The following NEDD4L variants were observed in gnomAD, a reference collection of about 807,000 sequenced individuals.
NEDD4L encodes E3 ubiquitin-protein ligase NEDD4-like.
Under a neutral mutation model 148.9 loss-of-function variants are expected in NEDD4L, and 54 were observed. That is an observed-to-expected ratio of 0.36 (90% CI 0.29 to 0.45). The LOEUF (loss-of-function observed/expected upper bound fraction) is 0.45, where lower values mean the gene tolerates loss of function less well. Among genes scored for constraint, NEDD4L ranks in the 20% least tolerant of loss-of-function variants. NEDD4L has a pLI of 1.00. For synonymous variants in NEDD4L, 433 were observed against 440.7 expected, an observed-to-expected ratio of 0.98 and a Z score of 0.22; for missense variants, 856 against 1,233.8, an observed-to-expected ratio of 0.69 and a Z score of 4.59.
chr18:58,164,036 T>C (rs1304290158), intron 1 of NEDD4L, among the ~76,000 whole-genome samples: 3 of 115,984 alleles, frequency 2.6e-5, no homozygotes, highest in Non-Finnish European at 6.3e-5. Flanking sequence ...ATCCTGAGCC[T>C]TTTTTTTTTT....
At chr18:58,363,571 C>T (rs2045756250) in intron 19 of NEDD4L, among the ~76,000 whole-genome samples, 1 of 152,162 alleles carries the variant, frequency 6.6e-6, no homozygotes, top group Admixed American at 6.5e-5. Flanking sequence ...TAACATGTTA[C>T]TCCTTTGCCT....
intron 1 of NEDD4L, among the ~76,000 whole-genome samples, chr18:58,084,605 T>C (rs2083649715): frequency 6.6e-6 from 1 of 151,906 alleles, no homozygotes; most frequent in Non-Finnish European, 1.5e-5. Flanking sequence ...TGGTTTTCCC[T>C]GAAGCCTCTC....
At chr18:58,191,122 A>G (rs758756278) in intron 2 of NEDD4L, among the ~76,000 whole-genome samples, 1 of 152,198 alleles carries the variant, frequency 6.6e-6, no homozygotes, top group Non-Finnish European at 1.5e-5. Context: ...CTCTAAAAGT[A>G]TAATATTTTA....
At chr18:58,340,655 A>G (rs2042303687) in intron 13 of NEDD4L, among the ~76,000 whole-genome samples, 1 of 152,242 alleles carries the variant, frequency 6.6e-6, no homozygotes, top group African/African-American at 2.4e-5. Flanking sequence ...TCCCTCTCAT[A>G]CACAGTGACA....
rs183254876 is a variant in NEDD4L, at chr18:58,184,844, C to T, written c.122+18983C>T. 3.2e-3 allele frequency among the ~76,000 whole-genome samples: 479 copies of T among 151,978 alleles called. 1 individual carries two copies. Among genetic ancestry groups the T allele is most frequent in the African/African-American group, 0.011 (462 of 41,428 alleles). ...TTGGGAGGCTGAAGCAGGAGAATGG[C>T]GTGAACGCAGGAGGTGGAGCTTGCA... On this transcript the variant is annotated intron_variant, in intron 2 of 30. Transcript: ENST00000400345.
chr18:58,059,715 ACT>A (rs2082243265), intron 1 of NEDD4L, among the ~76,000 whole-genome samples: 2 of 152,164 alleles, frequency 1.3e-5, no homozygotes, highest in Non-Finnish European at 2.9e-5. Flanking sequence ...GGACATGGTG[ACT>A]CTGGTTAGTA....
chr18:58,387,173 C>T (rs766973658), intron 26 of NEDD4L, among the ~76,000 whole-genome samples: 80 of 152,186 alleles, frequency 5.3e-4, no homozygotes, highest in Non-Finnish European at 1.5e-4. Flanking sequence ...TGGAATCCAC[C>T]CTGCCTACAG....
intron 5 of NEDD4L, among the ~76,000 whole-genome samples, chr18:58,272,984 T>A (rs536130085): frequency 6.6e-6 from 1 of 151,872 alleles, no homozygotes; most frequent in African/African-American, 2.4e-5. Flanking sequence ...TGAAGAGAGG[T>A]AAGGAAACCC....
intron 2 of NEDD4L, chr18:58,193,988 T>C (rs2040390776): frequency 6.6e-6 from 1 of 152,294 alleles, no homozygotes; most frequent in Non-Finnish European, 1.5e-5. Context: ...TCTCCATGTG[T>C]GTTGTGAATT....
At chr18:58,373,364 A>G in intron 24 of NEDD4L, 95 bp downstream of exon 24, 1 of 727,406 alleles carries the variant, frequency 1.4e-6, no homozygotes. Context: ...ACCATCAGAA[A>G]CAACCAGCAG....
In NEDD4L at chr18:58,130,173, C is replaced by T. The variant is rs1046698050; in HGVS notation, c.49-35615C>T. On this transcript the variant is annotated intron_variant, in intron 1 of 30. Coordinates refer to ENST00000400345, the MANE Select transcript of NEDD4L (RefSeq NM_001144967.3). The stretch of plus-strand genomic sequence containing the variant: ...GGCTCTGTTGGAATTTGGCTGTGAT[C>T]TAGCGGAACTGTGGCGGTGTTGGGC... Among the ~76,000 whole-genome samples, 5 of 139,772 alleles carry T rather than the reference C, an allele frequency of 3.6e-5. No individual in the cohort carries two copies. The Admixed American group carries it at 3.7e-4, about 10-fold the overall frequency. The allele number at this position is 139,772 out of a possible 152,430, so 91.7% of individuals were successfully genotyped here. A position where few individuals can be genotyped will look rare whatever the true frequency, so the allele number is the denominator to read the frequency against.
At chr18:58,157,556 A>AT (rs368026470) in intron 1 of NEDD4L, among the ~76,000 whole-genome samples, 49 of 150,204 alleles carry the variant, frequency 3.3e-4, no homozygotes, top group East Asian at 2.9e-3. Flanking sequence ...TTCTTTTTGG[A>AT]TTTTTTTTTT....
chr18:58,194,250 AAGC>A (rs1045259920), intron 2 of NEDD4L, among the ~76,000 whole-genome samples: 2 of 152,014 alleles, frequency 1.3e-5, no homozygotes, highest in African/African-American at 4.8e-5. Context: ...ATGACTGTAA[AAGC>A]AGGAGCCACC....
At chr18:58,310,845 G>T (rs1461841663) in intron 5 of NEDD4L, among the ~76,000 whole-genome samples, 1 of 152,216 alleles carries the variant, frequency 6.6e-6, no homozygotes, top group Non-Finnish European at 1.5e-5. Context: ...CTCTGGGAAA[G>T]CCCAGGTTGT....
intron 5 of NEDD4L, among the ~76,000 whole-genome samples, chr18:58,311,599 G>A (rs1320013357): frequency 1.3e-5 from 2 of 152,158 alleles, no homozygotes; most frequent in Non-Finnish European, 2.9e-5. Flanking sequence ...TGCTACCACC[G>A]CCTCTGTCTT....
At chr18:58,229,092 A>G (rs900714244) in intron 2 of NEDD4L, among the ~76,000 whole-genome samples, 1 of 152,120 alleles carries the variant, frequency 6.6e-6, no homozygotes, top group Non-Finnish European at 1.5e-5. Context: ...ACCATGGAAG[A>G]GGGTGATTTT....
intron 1 of NEDD4L, among the ~76,000 whole-genome samples, chr18:58,156,322 C>T (rs1301325559): frequency 6.6e-6 from 1 of 152,176 alleles, no homozygotes; most frequent in South Asian, 2.1e-4. Context: ...AATTTCATTT[C>T]AATTGGTTAT....
intron 1 of NEDD4L, chr18:58,091,495 A>G (rs779620567): frequency 1.3e-5 from 2 of 152,280 alleles, no homozygotes; most frequent in African/African-American, 4.8e-5. Context: ...GCCCAGTGCA[A>G]AGTGGCTGCT....
At chr18:58,135,129 T>G (rs1358538035) in intron 1 of NEDD4L, among the ~76,000 whole-genome samples, 1 of 152,134 alleles carries the variant, frequency 6.6e-6, no homozygotes, top group Non-Finnish European at 1.5e-5. Context: ...GCTGGCCGCC[T>G]TATTTGGCTG....
Sources: gnomAD v4.1 joint callset for allele counts (sites outside exome capture counted in the v4.1 genomes callset) on GRCh38, gnomAD v4.1.1 for gene constraint, MANE v1.5 for transcripts, NCBI Gene and HGNC (gene_info 2026-07-23, HGNC 2026-07-21) for gene names.